RERG: variants seen among roughly 807,000 people sequenced by gnomAD.
RERG encodes the protein RAS like estrogen regulated growth inhibitor.
RERG carries 25 observed loss-of-function variants against 23.2 expected under a neutral mutation model. The observed-to-expected ratio is 1.08, with a 90% CI of 0.79 to 1.50. The LOEUF is 1.50. Ranked by LOEUF, RERG falls within the 40% of genes most tolerant of loss-of-function variation. RERG has a pLI of 0.00. For missense variants in RERG, 253 were observed against 250.1 expected (o/e 1.01, Z -0.08); for synonymous variants, 81 against 89.1 (o/e 0.91, Z 0.51).
At chr12:15,162,831 C>T (rs1864634010) in intron 2 of RERG, among the ~76,000 whole-genome samples, 1 of 152,172 alleles carries the variant, frequency 6.6e-6, no homozygotes, top group African/African-American at 2.4e-5. Flanking sequence ...TATCATCACA[C>T]AGCTAATTCC....
intron 2 of RERG, among the ~76,000 whole-genome samples, chr12:15,195,117 A>G (rs1865124996): frequency 1.3e-5 from 2 of 152,164 alleles, no homozygotes; most frequent in African/African-American, 4.8e-5. Flanking sequence ...CCTTCTGAAC[A>G]TCATTATAGT....
At chr12:15,163,734 A>G (rs1221614133) in intron 2 of RERG, among the ~76,000 whole-genome samples, 1 of 152,240 alleles carries the variant, frequency 6.6e-6, no homozygotes, top group Non-Finnish European at 1.5e-5. Flanking sequence ...GAAATGGGTA[A>G]CCAGAGCCCA....
chr12:15,185,088 T>C (rs1864972003), intron 2 of RERG, among the ~76,000 whole-genome samples: 1 of 152,130 alleles, frequency 6.6e-6, no homozygotes, highest in Non-Finnish European at 1.5e-5. Flanking sequence ...CCCCAATTAT[T>C]TTTTCTGATG....
chr12:15,121,835 A>G (rs1441885532), intron 2 of RERG, among the ~76,000 whole-genome samples: 2 of 152,196 alleles, frequency 1.3e-5, no homozygotes, highest in Non-Finnish European at 2.9e-5. Flanking sequence ...AAGGATCTGA[A>G]TCCAGGAAGT....
chr12:15,136,720 G>C (rs1356678152), intron 2 of RERG, among the ~76,000 whole-genome samples: 4 of 151,936 alleles, frequency 2.6e-5, no homozygotes, highest in Non-Finnish European at 5.9e-5. Flanking sequence ...CAATCTTTCT[G>C]TTGTTGATTT....
At chr12:15,203,868 A>G (rs1047223063) in intron 2 of RERG, among the ~76,000 whole-genome samples, 1 of 151,676 alleles carries the variant, frequency 6.6e-6, no homozygotes, top group Non-Finnish European at 1.5e-5. Context: ...TTAACCAAGG[A>G]GTTGAAGACT....
chr12:15,137,251 A>G (rs1864159071), intron 2 of RERG, among the ~76,000 whole-genome samples: 1 of 151,726 alleles, frequency 6.6e-6, no homozygotes, highest in Non-Finnish European at 1.5e-5. Flanking sequence ...TATTGACATT[A>G]TCACATTTGT....
At chr12:15,134,225 A>G (rs1414079729) in intron 2 of RERG, among the ~76,000 whole-genome samples, 1 of 152,046 alleles carries the variant, frequency 6.6e-6, no homozygotes, top group Non-Finnish European at 1.5e-5. Context: ...TCATAGTTTT[A>G]CCATTTACAT....
intron 2 of RERG, among the ~76,000 whole-genome samples, chr12:15,163,243 A>G (rs997762075): frequency 6.6e-6 from 1 of 152,202 alleles, no homozygotes; most frequent in Non-Finnish European, 1.5e-5. Flanking sequence ...GAAAAATTGG[A>G]TGACTCAGGG....
At chr12:15,163,777 A>G (rs1039058357) in intron 2 of RERG, among the ~76,000 whole-genome samples, 3 of 152,210 alleles carry the variant, frequency 2.0e-5, no homozygotes, top group Non-Finnish European at 4.4e-5. Context: ...AGCTGGAGTC[A>G]GTGAAGACTG....
chr12:15,159,512 A>T lies in RERG; in HGVS notation c.62-38393T>A, dbSNP rs1001140225. ...TATTGATTTGGACATATTTATATCTATTGATACAATTTAAAAAATCTTAAT... is the reference window on the plus strand; with the variant it reads ...TATTGATTTGGACATATTTATATCTTTTGATACAATTTAAAAAATCTTAAT... On this transcript the variant is annotated intron_variant, in intron 2 of 4. Coordinates refer to ENST00000256953, the MANE Select transcript of RERG (RefSeq NM_032918.3). 2.8e-4 allele frequency among the ~76,000 whole-genome samples: 43 copies of T among 152,320 alleles called. 1 individual carries two copies. Among genetic ancestry groups the T allele is most frequent in the Middle Eastern group, 3.4e-3 (1 of 294 alleles).
rs61754410 is a variant in RERG, at chr12:15,217,475, C to T, written c.15G>A (p.Ala5=). 1.6e-4 allele frequency: 251 copies of T among 1,613,250 alleles called. No homozygotes were observed. In the African/African-American group the frequency reaches 1.8e-3, roughly 12 times the overall value. Residue 5 remains alanine, a synonymous_variant, in exon 2 of 5, where the codon GCG becomes GCA. Transcript: ENST00000256953. MAKS[A]EVKLAIFGRA... ...TCCCAAATATTGCCAGTTTGACCTC[C>T]GCACTTTTAGCCATGATGGGTGTTG...
chr12:15,188,055 A>G (rs1865018648), intron 2 of RERG, among the ~76,000 whole-genome samples: 2 of 152,158 alleles, frequency 1.3e-5, no homozygotes, highest in African/African-American at 4.8e-5. Context: ...TGGGTCCTTC[A>G]ACAGGAAATA....
Position 15,217,574 on chromosome 12 carries a change from TC to T in RERG, c.-86del. 5 of 939,200 alleles carry T rather than the reference TC, an allele frequency of 5.3e-6. No individual in the cohort carries two copies. Among genetic ancestry groups the T allele is most frequent in the Non-Finnish European group, 8.8e-6 (5 of 569,504 alleles). 58.2% of individuals were successfully genotyped at this position (939,200 alleles called of 1,614,324 possible). On this transcript the variant is annotated 5_prime_UTR_variant, in exon 2 of 5. The change abolishes an upstream ATG in the 5' untranslated region. Transcript: ENST00000256953. Reference sequence around the variant, plus strand: ...GGTTCCAGTCTTTGGATTCACCATATCATTGTGAATCTTGGAAGAGTCCACA... The same window carrying T: ...GGTTCCAGTCTTTGGATTCACCATATATTGTGAATCTTGGAAGAGTCCACA...
At chr12:15,184,095 G>A (rs527797837) in intron 2 of RERG, among the ~76,000 whole-genome samples, 25 of 152,198 alleles carry the variant, frequency 1.6e-4, no homozygotes, top group Non-Finnish European at 2.6e-4. Flanking sequence ...GATGGTGAAC[G>A]CAAATCAGAT....
At chr12:15,146,355 G>A (rs747156061) in intron 2 of RERG, among the ~76,000 whole-genome samples, 113 of 152,074 alleles carry the variant, frequency 7.4e-4, no homozygotes, top group Non-Finnish European at 1.3e-3. Flanking sequence ...ATTCCTGGCT[G>A]GTCTGGGATA....
At chr12:15,113,477 A>G (rs1455970593) in intron 3 of RERG, among the ~76,000 whole-genome samples, 3 of 152,110 alleles carry the variant, frequency 2.0e-5, no homozygotes, top group Non-Finnish European at 4.4e-5. Context: ...AAATAAAAAT[A>G]AAATAATACG....
intron 2 of RERG, among the ~76,000 whole-genome samples, chr12:15,141,003 CTCTT>C (rs919904058): frequency 2.6e-5 from 4 of 152,016 alleles, no homozygotes; most frequent in Non-Finnish European, 5.9e-5. Context: ...TTGCTTCTTT[CTCTT>C]TCTTTTTATG....
intron 2 of RERG, among the ~76,000 whole-genome samples, chr12:15,183,233 A>G (rs1483282010): frequency 6.6e-6 from 1 of 152,186 alleles, no homozygotes; most frequent in African/African-American, 2.4e-5. Context: ...ATTGTCTTTA[A>G]TGGTTTAGAA....
Sources: gnomAD v4.1 joint callset for allele counts (sites outside exome capture counted in the v4.1 genomes callset) on GRCh38, gnomAD v4.1.1 for gene constraint, MANE v1.5 for transcripts, NCBI Gene and HGNC (gene_info 2026-07-23, HGNC 2026-07-21) for gene names.